Variants in DNAI1 observed in about 807,000 individuals in gnomAD.
The protein encoded by DNAI1 is dynein axonemal intermediate chain 1.
In DNAI1, 67 loss-of-function variants were observed where a neutral mutation model predicts 92.0. The ratio of observed to expected loss-of-function variants is 0.73; its 90% CI spans 0.60 to 0.89. The LOEUF is 0.89. Among genes scored for constraint, DNAI1 ranks in the 40% least tolerant of loss-of-function variants. The pLI, the probability that DNAI1 is intolerant of heterozygous loss-of-function variation, is 0.00. For missense variants in DNAI1, 839 were observed against 866.6 expected (o/e 0.97, Z 0.40); for synonymous variants, 323 against 319.6 (o/e 1.01, Z -0.11).
At chr9:34,510,591 T>C (rs554698113) in intron 13 of DNAI1, among the ~76,000 whole-genome samples, 3 of 152,258 alleles carry the variant, frequency 2.0e-5, no homozygotes, top group Admixed American at 1.3e-4. Flanking sequence ...CCCAGGAGCA[T>C]GTGTGTGACT....
chr9:34,500,872 C>T (rs769701411), intron 11 of DNAI1, 33 bp downstream of exon 11: 1 of 1,549,738 alleles, frequency 6.5e-7, no homozygotes, highest in Non-Finnish European at 8.9e-7. Flanking sequence ...ATGCAGAGCC[C>T]CTGAGTGCCC....
intron 7 of DNAI1, 149 bp downstream of exon 7, chr9:34,490,637 G>A: frequency 1.7e-6 from 2 of 1,204,482 alleles, no homozygotes; most frequent in Middle Eastern, 2.8e-4. Flanking sequence ...GGAGAGCTGA[G>A]AGCATGTGTT....
chr9:34,482,480 C>G (rs533790538), intron 1 of DNAI1, among the ~76,000 whole-genome samples: 7 of 151,014 alleles, frequency 4.6e-5, no homozygotes, highest in African/African-American at 1.7e-4. Flanking sequence ...GTTTACAAAC[C>G]TTGAGCTAGA....
chr9:34,492,493 G>GATATATATATATATATATATATAT (rs752863173), intron 8 of DNAI1, among the ~76,000 whole-genome samples: 16 of 68,252 alleles, frequency 2.3e-4, no homozygotes, highest in Non-Finnish European at 4.3e-4. Flanking sequence ...GGGATATGAA[G>GATATATATATATATATATATATAT]ATATATATAT....
chr9:34,509,913 A>AG (rs1825031657), intron 13 of DNAI1, among the ~76,000 whole-genome samples: 2 of 151,860 alleles, frequency 1.3e-5, no homozygotes, highest in African/African-American at 4.8e-5. Context: ...AAAAAAAAAA[A>AG]AAGAAAAAAA....
intron 12 of DNAI1, among the ~76,000 whole-genome samples, chr9:34,502,857 C>T (rs1824860153): frequency 1.3e-5 from 2 of 152,094 alleles, no homozygotes; most frequent in East Asian, 1.9e-4. Context: ...TTGGTTTCTT[C>T]GTTGGTGACA....
In DNAI1 at chr9:34,514,522, G is replaced by T. The variant is rs771520962; in HGVS notation, c.1698G>T (p.Lys566Asn). The T allele has an allele frequency of 6.2e-7, 1 of 1,614,252 alleles. No individual in the cohort carries two copies. Among genetic ancestry groups the T allele is most frequent in the South Asian group, 1.1e-5 (1 of 91,084 alleles). The change falls in exon 17 of 20, where the codon AAG (lysine) becomes AAT (asparagine). Residue 566 changes from lysine to asparagine, a missense_variant. Physicochemically the swap from Lys to Asn is moderately conservative, Grantham distance 94. Coordinates refer to ENST00000242317, the MANE Select transcript of DNAI1 (RefSeq NM_012144.4). ...FMSCSSDWTV[K>N]IWDHTIKTPM... The stretch of plus-strand genomic sequence containing the variant: ...CCTGCAGCTCCGACTGGACAGTGAA[G>T]ATCTGGGACCACACCATCAAGTGAG...
chr9:34,472,606 C>T (rs539682655), intron 1 of DNAI1, among the ~76,000 whole-genome samples: 2 of 152,140 alleles, frequency 1.3e-5, no homozygotes, highest in Admixed American at 6.6e-5. Flanking sequence ...TGCATATTCA[C>T]ATTTAATACA....
chr9:34,518,678 C>A (rs865965883), intron 19 of DNAI1, among the ~76,000 whole-genome samples: 1 of 152,238 alleles, frequency 6.6e-6, no homozygotes, highest in Non-Finnish European at 1.5e-5. Flanking sequence ...CAGGTTGAAG[C>A]TGGCAGAGTT....
At chr9:34,479,321 T>A (rs1824295456) in intron 1 of DNAI1, among the ~76,000 whole-genome samples, 1 of 152,178 alleles carries the variant, frequency 6.6e-6, no homozygotes, top group Non-Finnish European at 1.5e-5. Flanking sequence ...CTTTCAGGAA[T>A]TCAGGCTTGT....
At chr9:34,495,874 G>T (rs912685527) in intron 9 of DNAI1, among the ~76,000 whole-genome samples, 1 of 152,188 alleles carries the variant, frequency 6.6e-6, no homozygotes, top group Non-Finnish European at 1.5e-5. Flanking sequence ...GGAACCAGGT[G>T]AACTCTGAGG....
chr9:34,502,975 G>A (rs987256162), intron 12 of DNAI1, among the ~76,000 whole-genome samples: 20 of 152,114 alleles, frequency 1.3e-4, no homozygotes, highest in Admixed American at 6.5e-4. Context: ...TACACATAAC[G>A]GACAATCATT....
rs773121259 is a variant in DNAI1 at position 34,520,610 on chromosome 9, AG to A, written c.2002-41del. Reference sequence around the variant, plus strand: ...GAGGAGGTGGTGCTGGGACCCAGAGAGGGGGGGCCCACCATTCCTCCCTCAT... The same window carrying A: ...GAGGAGGTGGTGCTGGGACCCAGAGAGGGGGGCCCACCATTCCTCCCTCAT... On this transcript the variant is annotated intron_variant, in intron 19 of 19. Coordinates refer to ENST00000242317, the MANE Select transcript of DNAI1 (RefSeq NM_012144.4). 3.8e-5 allele frequency: 57 copies of A among 1,514,838 alleles called. No homozygotes were observed. The African/African-American group carries it at 6.1e-4, about 16-fold the overall frequency. The allele number at this position is 1,514,838 out of a possible 1,614,324, so 93.8% of individuals were successfully genotyped here. A position where few individuals can be genotyped will look rare whatever the true frequency, so the allele number is the denominator to read the frequency against.
intron 1 of DNAI1, among the ~76,000 whole-genome samples, chr9:34,471,633 G>T (rs866188773): frequency 6.6e-6 from 1 of 151,996 alleles, no homozygotes; most frequent in African/African-American, 2.4e-5. Context: ...AGCCAGGCGT[G>T]GTGGTGGGCA....
intron 19 of DNAI1, among the ~76,000 whole-genome samples, chr9:34,518,108 A>G (rs1026405835): frequency 6.6e-6 from 1 of 152,208 alleles, no homozygotes; most frequent in Non-Finnish European, 1.5e-5. Context: ...CAGGCTTTGC[A>G]GCCCGGGCCT....
chr9:34,461,509 G>T (rs936982096), intron 1 of DNAI1, among the ~76,000 whole-genome samples: 3 of 152,198 alleles, frequency 2.0e-5, no homozygotes, highest in African/African-American at 7.2e-5. Context: ...TGTCATTACA[G>T]ATTCAATTTG....
chr9:34,513,674 C>G (rs1450611415), intron 16 of DNAI1, among the ~76,000 whole-genome samples: 1 of 152,150 alleles, frequency 6.6e-6, no homozygotes, highest in Non-Finnish European at 1.5e-5. Context: ...AGCTCTGCTG[C>G]AAGCTTTTCT....
At chr9:34,520,557 G>C in intron 19 of DNAI1, 101 bp from the exon 20 acceptor site, 2 of 1,044,898 alleles carry the variant, frequency 1.9e-6, no homozygotes, top group Non-Finnish European at 2.9e-6. Context: ...GCAGGGGAGG[G>C]GTAGGGCACA....
chr9:34,501,101 AT>A (rs771524058), intron 11 of DNAI1, 36 bp from the exon 12 acceptor site: 5 of 1,591,304 alleles, frequency 3.1e-6, no homozygotes, highest in Non-Finnish European at 4.3e-6. Context: ...GGCCATGTTC[AT>A]TTCCTATGCC....
Sources: allele counts gnomAD v4.1 joint callset (sites outside exome capture counted in the v4.1 genomes callset), GRCh38; gene constraint gnomAD v4.1.1; transcripts MANE v1.5; gene names NCBI Gene and HGNC (gene_info 2026-07-23, HGNC 2026-07-21).